RPGRIP1L: variants seen among roughly 807,000 people sequenced by gnomAD.
The protein encoded by RPGRIP1L is RPGRIP1 like.
In RPGRIP1L, 131 loss-of-function variants were observed where a neutral mutation model predicts 160.4. That is an observed-to-expected ratio of 0.82 (90% CI 0.71 to 0.94). RPGRIP1L has a LOEUF of 0.94. Ranked by LOEUF, RPGRIP1L falls within the 40% of genes least tolerant of loss-of-function variation. The probability of loss-of-function intolerance (pLI) is 0.00; values close to 1 mark genes in which losing one functional copy is unlikely to be tolerated. For synonymous variants in RPGRIP1L, 510 were observed against 515.8 expected, an observed-to-expected ratio of 0.99 and a Z score of 0.15; for missense variants, 1,522 against 1,535.8, an observed-to-expected ratio of 0.99 and a Z score of 0.15.
intron 6 of RPGRIP1L, among the ~76,000 whole-genome samples, chr16:53,685,105 A>AT (rs1294204304): frequency 6.6e-6 from 1 of 152,176 alleles, no homozygotes; most frequent in Non-Finnish European, 1.5e-5. Context: ...CCAAAAAAAC[A>AT]TAAAAAAAAA....
At chr16:53,680,383 G>T (rs1969513489) in intron 6 of RPGRIP1L, among the ~76,000 whole-genome samples, 1 of 151,994 alleles carries the variant, frequency 6.6e-6, no homozygotes, top group Non-Finnish European at 1.5e-5. Context: ...TTAAATTAGG[G>T]GGTTGGGCAA....
intron 24 of RPGRIP1L, among the ~76,000 whole-genome samples, chr16:53,614,133 C>T (rs1445495790): frequency 6.6e-6 from 1 of 152,132 alleles, no homozygotes; most frequent in Non-Finnish European, 1.5e-5. Flanking sequence ...GGAATAATTG[C>T]TTAGATATAC....
At chr16:53,623,112 A>G (rs192964881) in intron 22 of RPGRIP1L, among the ~76,000 whole-genome samples, 7 of 152,314 alleles carry the variant, frequency 4.6e-5, no homozygotes, top group Admixed American at 3.9e-4. Flanking sequence ...GAAAAATAAG[A>G]TGTTGTTTCT....
chr16:53,625,328 C>T (rs1211970469), intron 22 of RPGRIP1L, among the ~76,000 whole-genome samples: 2 of 151,336 alleles, frequency 1.3e-5, no homozygotes, highest in Non-Finnish European at 3.0e-5. Context: ...AGCGCCTCCG[C>T]GGCTGCCCCA....
chr16:53,613,154 C>T (rs117197687), intron 24 of RPGRIP1L, among the ~76,000 whole-genome samples: 1 of 152,244 alleles, frequency 6.6e-6, no homozygotes, highest in East Asian at 1.9e-4. Flanking sequence ...TCCACTTATC[C>T]TGTGATAGAC....
chr16:53,671,770 G>A (rs1337609400), intron 8 of RPGRIP1L, among the ~76,000 whole-genome samples, 187 bp from the exon 9 acceptor site: 1 of 152,226 alleles, frequency 6.6e-6, no homozygotes, highest in Middle Eastern at 3.4e-3. Context: ...TTCCCAAGTT[G>A]TTAAATAAAC....
intron 26 of RPGRIP1L, among the ~76,000 whole-genome samples, chr16:53,602,542 G>A (rs1046888319): frequency 1.3e-5 from 2 of 152,092 alleles, no homozygotes; most frequent in South Asian, 2.1e-4. Context: ...TTGGGAGGCC[G>A]AGGTGAGGTG....
At chr16:53,653,102 C>A in intron 14 of RPGRIP1L, 115 bp from the exon 15 acceptor site, 1 of 924,192 alleles carries the variant, frequency 1.1e-6, no homozygotes, top group Non-Finnish European at 1.7e-6. Flanking sequence ...ATTTTAAATT[C>A]TATGACTACA....
chr16:53,603,092 T>C (rs931821379), intron 26 of RPGRIP1L, among the ~76,000 whole-genome samples: 1 of 152,084 alleles, frequency 6.6e-6, no homozygotes, highest in Non-Finnish European at 1.5e-5. Flanking sequence ...TCCCCCACTG[T>C]GGCCTCCCCA....
At position 53,619,176 on chromosome 16, in the gene RPGRIP1L, A is replaced by T. The variant is rs1179982643; in HGVS notation, c.3465T>A (p.Ala1155=). ...PSEKIRIEII[A]LSLNDSQVTM... Reference sequence around the variant, plus strand: ...TTACTTGAGAATCATTAAGGCTTAGAGCTATGATCTCAATCCGAATTTTTT... The same window carrying T: ...TTACTTGAGAATCATTAAGGCTTAGTGCTATGATCTCAATCCGAATTTTTT... Residue 1155 remains alanine, a synonymous_variant, in exon 24 of 27, where the codon GCT becomes GCA. Transcript: ENST00000647211. The T allele has an allele frequency of 3.7e-6, 6 of 1,613,640 alleles. No individual in the cohort carries two copies. The highest frequency in any genetic ancestry group is 5.1e-6 in the Non-Finnish European group (6 of 1,180,028).
intron 9 of RPGRIP1L, among the ~76,000 whole-genome samples, chr16:53,670,486 G>GAC (rs141143731): frequency 0.052 from 7,823 of 151,216 alleles, 395 homozygotes; most frequent in East Asian, 0.31. Flanking sequence ...TACACACACA[G>GAC]ACACACACAC....
intron 17 of RPGRIP1L, among the ~76,000 whole-genome samples, chr16:53,643,121 A>G (rs1477076267): frequency 6.6e-6 from 1 of 152,084 alleles, no homozygotes; most frequent in Non-Finnish European, 1.5e-5. Flanking sequence ...ACTGGCCAAC[A>G]TGGTGGTGAA....
chr16:53,702,351 T>C (rs1162311655), intron 1 of RPGRIP1L, among the ~76,000 whole-genome samples: 32 of 152,206 alleles, frequency 2.1e-4, no homozygotes, highest in Admixed American at 2.1e-3. Flanking sequence ...GTAGAGGCCA[T>C]GGATGATGCT....
At chr16:53,604,453 CTTAT>C (rs1446884333) in intron 26 of RPGRIP1L, among the ~76,000 whole-genome samples, 1 of 152,190 alleles carries the variant, frequency 6.6e-6, no homozygotes, top group Non-Finnish European at 1.5e-5. Context: ...AGGAATCAGC[CTTAT>C]TTCTCTATTT....
chr16:53,701,234 A>G (rs1483685680), intron 1 of RPGRIP1L, among the ~76,000 whole-genome samples: 1 of 152,154 alleles, frequency 6.6e-6, no homozygotes, highest in Non-Finnish European at 1.5e-5. Context: ...TGGGATGTCA[A>G]TATTACTCAA....
chr16:53,633,542 C>A (rs1965651699), intron 22 of RPGRIP1L, among the ~76,000 whole-genome samples: 1 of 152,090 alleles, frequency 6.6e-6, no homozygotes, highest in South Asian at 2.1e-4. Flanking sequence ...GATCTTGGAC[C>A]ATATGAATAA....
chr16:53,636,513 C>A lies in RPGRIP1L; in HGVS notation c.3221-1G>T. ...TCAGAAGCTGACATGTCCTCTTCAA[C>A]TGTTTAAAAAATAAAAGGGTAACAT... On this transcript the variant is annotated splice_acceptor_variant, in intron 21 of 26. Coordinates refer to ENST00000647211, the MANE Select transcript of RPGRIP1L (RefSeq NM_015272.5). LOFTEE classifies it high-confidence loss of function. 6.2e-7 allele frequency: 1 copy of A among 1,607,480 alleles called. No homozygotes were observed.
At chr16:53,602,243 A>G (rs978226447) in intron 26 of RPGRIP1L, 55 bp from the exon 27 acceptor site, 1 of 1,189,256 alleles carries the variant, frequency 8.4e-7, no homozygotes, top group Non-Finnish European at 1.3e-6. Flanking sequence ...TTTTCTTTGG[A>G]AAGGCTCGCA....
chr16:53,607,309 T>C (rs1237207750), intron 25 of RPGRIP1L, among the ~76,000 whole-genome samples: 1 of 152,204 alleles, frequency 6.6e-6, no homozygotes, highest in Non-Finnish European at 1.5e-5. Context: ...ATTTTTAATA[T>C]AGATAGAGTT....
Sources: allele counts gnomAD v4.1 joint callset (sites outside exome capture counted in the v4.1 genomes callset), GRCh38; gene constraint gnomAD v4.1.1; transcripts MANE v1.5; gene names NCBI Gene and HGNC (gene_info 2026-07-23, HGNC 2026-07-21).